Variants in ANTXR1 observed in about 807,000 individuals in gnomAD.
ANTXR1 encodes the protein ANTXR cell adhesion molecule 1, also known as anthrax toxin receptor 1.
In ANTXR1, 19 loss-of-function variants were observed where a neutral mutation model predicts 78.1. The ratio of observed to expected loss-of-function variants is 0.24; its 90% CI spans 0.17 to 0.36. The LOEUF (loss-of-function observed/expected upper bound fraction) is 0.36, where lower values mean the gene tolerates loss of function less well. ANTXR1 is among the 10% of genes least tolerant of loss of function. ANTXR1 has a pLI of 1.00. For synonymous variants in ANTXR1, 273 were observed against 260.5 expected (o/e 1.05, Z -0.46); for missense variants, 518 against 718.6 (o/e 0.72, Z 3.19).
At chr2:69,094,562 C>A (rs1346206147) in intron 9 of ANTXR1, among the ~76,000 whole-genome samples, 2 of 152,178 alleles carry the variant, frequency 1.3e-5, no homozygotes, top group Non-Finnish European at 2.9e-5. Flanking sequence ...TCTGTGAATT[C>A]CTTCTTTTCC....
rs754452382 is a variant in ANTXR1, at chr2:69,245,247, G to C, written c.1457G>C (p.Arg486Thr). The C allele has an allele frequency of 6.2e-7, 1 of 1,613,886 alleles. No individual in the cohort carries two copies. Among genetic ancestry groups the C allele is most frequent in the Admixed American group, 1.7e-5 (1 of 59,996 alleles). ...TAGGGGCGCTGCATCAACTTCACCA[G>C]GGTCAAGAACAACCAGCCAGCCAAG... ...GDTGRCINFTRVKNNQPAKYP... is the reference protein window; with the variant it reads ...GDTGRCINFTTVKNNQPAKYP... Residue 486 changes from arginine to threonine, a missense_variant, in exon 18 of 18, where the codon AGG (arginine) becomes ACG (threonine). Coordinates refer to ENST00000303714, the MANE Select transcript of ANTXR1 (RefSeq NM_032208.3).
intron 3 of ANTXR1, among the ~76,000 whole-genome samples, chr2:69,060,583 A>T (rs1558502883): frequency 1.3e-5 from 2 of 152,228 alleles, no homozygotes; most frequent in African/African-American, 2.4e-5. Context: ...GTGTAATGGA[A>T]ATCATGCCAT....
chr2:69,172,354 T>A, intron 14 of ANTXR1: 1 of 1,608,582 alleles, frequency 6.2e-7, no homozygotes, highest in Non-Finnish European at 8.5e-7. Flanking sequence ...TCCTTCCTAA[T>A]GTATTTTGGC....
chr2:69,143,410 A>G (rs1364076903), intron 12 of ANTXR1, among the ~76,000 whole-genome samples: 1 of 152,216 alleles, frequency 6.6e-6, no homozygotes, highest in Non-Finnish European at 1.5e-5. Context: ...CCATCAAATG[A>G]GAGGAGAAAA....
chr2:69,142,370 G>C (rs891359632), intron 12 of ANTXR1, among the ~76,000 whole-genome samples: 2 of 152,204 alleles, frequency 1.3e-5, no homozygotes, highest in Non-Finnish European at 2.9e-5. Context: ...ATGTCTCACA[G>C]GTACAAATAT....
At chr2:69,124,499 C>A in intron 11 of ANTXR1, 66 bp from the exon 12 acceptor site, 1 of 1,407,604 alleles carries the variant, frequency 7.1e-7, no homozygotes, top group Non-Finnish European at 1.0e-6. Context: ...TCCTGTGTGT[C>A]TGGCTCTCAG....
chr2:69,106,144 C>G (rs941715251), intron 10 of ANTXR1, among the ~76,000 whole-genome samples: 6 of 152,038 alleles, frequency 3.9e-5, no homozygotes, highest in Non-Finnish European at 8.8e-5. Context: ...GATAAAATGC[C>G]AATATATTAA....
intron 10 of ANTXR1, among the ~76,000 whole-genome samples, chr2:69,112,363 C>T (rs1239063486): frequency 1.3e-5 from 2 of 152,156 alleles, no homozygotes; most frequent in African/African-American, 4.8e-5. Flanking sequence ...CCTGGGCAGT[C>T]GGACTCCAAA....
chr2:69,077,387 G>T, intron 7 of ANTXR1, 21 bp from the exon 8 acceptor site: 1 of 1,613,908 alleles, frequency 6.2e-7, no homozygotes. Context: ...CCATGTGTTT[G>T]TGTATTTGCT....
intron 12 of ANTXR1, among the ~76,000 whole-genome samples, chr2:69,148,422 T>C (rs897674996): frequency 6.6e-6 from 1 of 152,228 alleles, no homozygotes; most frequent in Non-Finnish European, 1.5e-5. Context: ...ACTTGGCTAC[T>C]TGCTGAGAAC....
chr2:69,188,282 A>T (rs1335614357), intron 16 of ANTXR1, among the ~76,000 whole-genome samples: 1 of 152,022 alleles, frequency 6.6e-6, no homozygotes, highest in Non-Finnish European at 1.5e-5. Context: ...AATTTTTTTA[A>T]TTTTTTGTAA....
At chr2:69,195,746 G>A (rs1006887345) in intron 17 of ANTXR1, among the ~76,000 whole-genome samples, 3 of 152,162 alleles carry the variant, frequency 2.0e-5, no homozygotes, top group African/African-American at 7.2e-5. Context: ...TAGCATGCAT[G>A]AGACTCCTCT....
chr2:69,115,594 A>G (rs1310642326), intron 10 of ANTXR1, among the ~76,000 whole-genome samples: 2 of 152,370 alleles, frequency 1.3e-5, no homozygotes, highest in East Asian at 3.9e-4. Flanking sequence ...TTGGGTCTCC[A>G]GAGTCCAGGC....
At chr2:69,111,924 G>A (rs908120466) in intron 10 of ANTXR1, among the ~76,000 whole-genome samples, 2 of 152,168 alleles carry the variant, frequency 1.3e-5, no homozygotes, top group Non-Finnish European at 2.9e-5. Context: ...TCGAGGGCAG[G>A]AGAACATAAA....
intron 7 of ANTXR1, 130 bp downstream of exon 7, chr2:69,075,788 T>C: frequency 3.3e-6 from 3 of 898,484 alleles, no homozygotes; most frequent in Admixed American, 1.8e-5. Context: ...CTAGAAATGC[T>C]AAACAGGAAG....
intron 14 of ANTXR1, among the ~76,000 whole-genome samples, chr2:69,175,008 C>T (rs969489241): frequency 9.2e-5 from 14 of 152,162 alleles, no homozygotes; most frequent in Non-Finnish European, 8.8e-5. Flanking sequence ...AAGCATAGAG[C>T]AGTCTTTCCT....
At chr2:69,152,834 T>G (rs1673433794) in intron 13 of ANTXR1, among the ~76,000 whole-genome samples, 1 of 152,106 alleles carries the variant, frequency 6.6e-6, no homozygotes, top group African/African-American at 2.4e-5. Context: ...GGCTACAAGA[T>G]CAATAAAAAC....
rs1193010053 is a variant in ANTXR1, at chr2:69,013,877, G to A, written c.152+226G>A. ...CGAGGCGACGCCGCTTGCTCGGAAG[G>A]GGACAGACTTCTTTTCTGTCTTGCT... is the stretch of plus-strand genomic sequence containing the variant. On this transcript the variant is annotated intron_variant, in intron 1 of 17. Transcript: ENST00000303714. The surrounding 1 kb of genome is among the most constrained non-coding windows in gnomAD (Gnocchi z 5.0). 2.6e-5 allele frequency among the ~76,000 whole-genome samples: 4 copies of A among 152,326 alleles called. No individual in the cohort carries two copies. Among genetic ancestry groups the A allele is most frequent in the African/African-American group, 7.2e-5 (3 of 41,568 alleles).
intron 3 of ANTXR1, among the ~76,000 whole-genome samples, chr2:69,062,307 G>A (rs767184926): frequency 3.3e-5 from 5 of 152,222 alleles, no homozygotes; most frequent in Admixed American, 6.5e-5. Flanking sequence ...TGCCTGCAGA[G>A]TAGAGATAAA....
Sources: allele counts gnomAD v4.1 joint callset (sites outside exome capture counted in the v4.1 genomes callset), GRCh38; gene constraint gnomAD v4.1.1; non-coding constraint Gnocchi (gnomAD v3.1); transcripts MANE v1.5; gene names NCBI Gene and HGNC (gene_info 2026-07-23, HGNC 2026-07-21).